The following AHCYL2 variants were observed in gnomAD, a reference collection of about 807,000 sequenced individuals.
AHCYL2 encodes the protein S-adenosylhomocysteine hydrolase-like protein 2.
Under a neutral mutation model 81.4 loss-of-function variants are expected in AHCYL2, and 28 were observed. That is an observed-to-expected ratio of 0.34 (90% CI 0.25 to 0.47). The LOEUF (loss-of-function observed/expected upper bound fraction) is 0.47. AHCYL2 is among the 20% of genes least tolerant of loss of function. The probability of loss-of-function intolerance (pLI) is 1.00; values close to 1 mark genes in which losing one functional copy is unlikely to be tolerated. For synonymous variants in AHCYL2, 272 were observed against 290.2 expected (o/e 0.94, Z 0.64); for missense variants, 551 against 785.1 (o/e 0.70, Z 3.56).
In AHCYL2 at chr7:129,406,632, G is replaced by A. The variant is rs756481044; in HGVS notation, c.1295+166G>A. Among the ~76,000 whole-genome samples, 2 of 152,168 alleles carry A rather than the reference G, an allele frequency of 1.3e-5. No individual in the cohort carries two copies. Among genetic ancestry groups the A allele is most frequent in the Non-Finnish European group, 2.9e-5 (2 of 68,032 alleles). On this transcript the variant is annotated intron_variant, in intron 10 of 16. Coordinates refer to ENST00000325006, the MANE Select transcript of AHCYL2 (RefSeq NM_015328.4). The surrounding 1 kb of genome is among the most constrained non-coding windows in gnomAD (Gnocchi z 4.3). ...GGTCAAGGAGCTCTGCTTGGAGAGA[G>A]CAGAGACTATCAGAAAAGCGAAAAT...
At chr7:129,388,861 T>C in intron 2 of AHCYL2, 195 bp from the exon 3 acceptor site, 1 of 533,928 alleles carries the variant, frequency 1.9e-6, no homozygotes, top group East Asian at 3.2e-5. Context: ...AAGTTAAGGC[T>C]ATCCAGGAAG....
At position 129,293,807 on chromosome 7, in the gene AHCYL2, T is replaced by C. The variant is rs114304516; in HGVS notation, c.363+68368T>C. ...ATAGCAGTAATCTCTTAACTGTCTT[T>C]TGGAATATAGTATAATTCCAGGAGA... On this transcript the variant is annotated intron_variant, in intron 1 of 16. Coordinates refer to ENST00000325006, the MANE Select transcript of AHCYL2 (RefSeq NM_015328.4). 8.5e-3 allele frequency among the ~76,000 whole-genome samples: 1,295 copies of C among 152,342 alleles called. 12 individuals carry two copies. Among genetic ancestry groups the C allele is most frequent in the African/African-American group, 0.03 (1,241 of 41,568 alleles).
intron 6 of AHCYL2, among the ~76,000 whole-genome samples, chr7:129,402,042 C>T (rs979500878): frequency 1.3e-5 from 2 of 152,192 alleles, no homozygotes; most frequent in African/African-American, 4.8e-5. Flanking sequence ...GAGACAGCAA[C>T]TACTGTCTCT....
intron 1 of AHCYL2, among the ~76,000 whole-genome samples, chr7:129,259,579 A>AT (rs1056400519): frequency 3.9e-5 from 6 of 152,262 alleles, no homozygotes; most frequent in Admixed American, 1.3e-4. Flanking sequence ...GAGTCCAGTG[A>AT]TTTTAACAAC....
At chr7:129,265,592 G>A (rs1299182863) in intron 1 of AHCYL2, among the ~76,000 whole-genome samples, 1 of 152,162 alleles carries the variant, frequency 6.6e-6, no homozygotes, top group Non-Finnish European at 1.5e-5. Flanking sequence ...TGCAGCTGGA[G>A]TAGAGTAAGT....
At chr7:129,282,998 C>T (rs1390666283) in intron 1 of AHCYL2, among the ~76,000 whole-genome samples, 1 of 152,128 alleles carries the variant, frequency 6.6e-6, no homozygotes, top group Non-Finnish European at 1.5e-5. Flanking sequence ...TGGGAACAGG[C>T]ATTGTTCTTG....
At chr7:129,420,855 T>G (rs900378992) in intron 12 of AHCYL2, among the ~76,000 whole-genome samples, 2 of 152,212 alleles carry the variant, frequency 1.3e-5, no homozygotes, top group African/African-American at 4.8e-5. Context: ...ATTCCAATTT[T>G]AAAGTAATAC....
intron 1 of AHCYL2, among the ~76,000 whole-genome samples, chr7:129,262,740 G>C (rs1341160605): frequency 6.6e-6 from 1 of 152,200 alleles, no homozygotes; most frequent in Non-Finnish European, 1.5e-5. Context: ...TGGGAACTCA[G>C]ATTTCAGGGC....
chr7:129,259,713 C>T (rs537579136), intron 1 of AHCYL2, among the ~76,000 whole-genome samples: 12 of 152,124 alleles, frequency 7.9e-5, no homozygotes, highest in Non-Finnish European at 1.3e-4. Context: ...GTGAAAACGA[C>T]GACTCACTCT....
chr7:129,415,756 G>A (rs575241095), intron 12 of AHCYL2, among the ~76,000 whole-genome samples: 1 of 152,214 alleles, frequency 6.6e-6, no homozygotes, highest in South Asian at 2.1e-4. Flanking sequence ...TTCGAGACCA[G>A]TCTAGGCAAC....
At position 129,419,295 on chromosome 7, in the gene AHCYL2, C is replaced by T. The variant is rs950609931; in HGVS notation, c.1462-3545C>T. 6.6e-6 allele frequency among the ~76,000 whole-genome samples: 1 copy of T among 152,090 alleles called. No individual in the cohort carries two copies. The highest frequency in any genetic ancestry group is 2.4e-5 in the African/African-American group (1 of 41,418). Reference sequence around the variant, plus strand: ...CTGCAGCCAGGTGTGGTGGCTCACGCCTGTAATCCCAGCACTTTGGGAGGC... The same window carrying T: ...CTGCAGCCAGGTGTGGTGGCTCACGTCTGTAATCCCAGCACTTTGGGAGGC... On this transcript the variant is annotated intron_variant, in intron 12 of 16. Transcript: ENST00000325006. This position sits in a 1 kb window ranked among gnomAD's most constrained non-coding sequence, Gnocchi z 4.7.
At chr7:129,271,377 A>G (rs1796010613) in intron 1 of AHCYL2, among the ~76,000 whole-genome samples, 2 of 151,526 alleles carry the variant, frequency 1.3e-5, no homozygotes, top group Admixed American at 1.3e-4. Flanking sequence ...AAAAAAAAAA[A>G]AAGAGTTTTA....
chr7:129,331,670 C>T lies in AHCYL2; in HGVS notation c.364-47968C>T, dbSNP rs554420451. Among the ~76,000 whole-genome samples, 25 of 149,482 alleles carry T rather than the reference C, an allele frequency of 1.7e-4. No homozygotes were observed. The East Asian group carries it at 4.5e-3, about 27-fold the overall frequency. On this transcript the variant is annotated intron_variant, in intron 1 of 16. Transcript: ENST00000325006. ...CAGCCTGGCCAAAATAATGAAACCC[C>T]GTCTCTACTAAAAATACAAAAATTA...
At chr7:129,385,505 CTT>C (rs554564090) in intron 2 of AHCYL2, among the ~76,000 whole-genome samples, 67 of 152,278 alleles carry the variant, frequency 4.4e-4, no homozygotes, top group South Asian at 4.4e-3. Context: ...ATCATGCTGT[CTT>C]TTGATTTTGG....
intron 1 of AHCYL2, among the ~76,000 whole-genome samples, chr7:129,357,997 A>G (rs6467241): frequency 0.35 from 53,396 of 151,704 alleles, 10,107 homozygotes; most frequent in African/African-American, 0.5. Context: ...TGATACCAGC[A>G]CTGTTCACAG....
chr7:129,383,293 G>C (rs1018147021), intron 2 of AHCYL2, among the ~76,000 whole-genome samples: 2 of 151,922 alleles, frequency 1.3e-5, no homozygotes, highest in African/African-American at 4.8e-5. Flanking sequence ...AGCCTCCCCA[G>C]TAACTAGGAC....
At chr7:129,425,238 A>T in intron 15 of AHCYL2, 97 bp downstream of exon 15, 1 of 1,008,060 alleles carries the variant, frequency 9.9e-7, no homozygotes. Context: ...AGGATGGGGG[A>T]AAAAAGGTAC....
At chr7:129,273,486 G>C (rs1332351085) in intron 1 of AHCYL2, among the ~76,000 whole-genome samples, 1 of 151,656 alleles carries the variant, frequency 6.6e-6, no homozygotes, top group Non-Finnish European at 1.5e-5. Context: ...GCATCACCAC[G>C]CCTGGCTAAT....
intron 8 of AHCYL2, chr7:129,405,465 T>A (rs917083735): frequency 2.8e-5 from 10 of 356,988 alleles, no homozygotes; most frequent in Non-Finnish European, 9.8e-6. Context: ...TAAAAGTTAC[T>A]GTGTTATCTA....
Sources: gnomAD v4.1 joint callset for allele counts (sites outside exome capture counted in the v4.1 genomes callset) on GRCh38, gnomAD v4.1.1 for gene constraint, Gnocchi (gnomAD v3.1) non-coding constraint, MANE v1.5 for transcripts, NCBI Gene and HGNC (gene_info 2026-07-23, HGNC 2026-07-21) for gene names.